Variants in ZBBX observed in about 807,000 individuals in gnomAD.
ZBBX encodes zinc finger B-box domain containing, also known as zinc finger B-box domain-containing protein 1.
ZBBX carries 101 observed loss-of-function variants against 108.5 expected under a neutral mutation model. That is an observed-to-expected ratio of 0.93 (90% confidence interval 0.79 to 1.10). The LOEUF (loss-of-function observed/expected upper bound fraction) is 1.10. Among genes scored for constraint, ZBBX ranks in the 50% least tolerant of loss-of-function variants. The probability of loss-of-function intolerance (pLI) is 0.00; values close to 1 mark genes in which losing one functional copy is unlikely to be tolerated. For missense variants in ZBBX, 1,009 were observed against 941.4 expected (o/e 1.07, Z -0.94); for synonymous variants, 356 against 323.4 (o/e 1.10, Z -1.08).
rs1231595378 is a variant in ZBBX at position 167,240,834 on chromosome 3, T to G, written c.2479A>C (p.Lys827Gln). ...TDEEEEDFLNKQHVITLPWSK... is the reference protein window; with the variant it reads ...TDEEEEDFLNQQHVITLPWSK... ...CACGGTAGTGTGATGACATGTTGCT[T>G]GTTGAGAAAATCTTCCTCCTCCTCA... The change falls in exon 22 of 22, where the codon AAG becomes CAG. Residue 827 changes from lysine (K) to glutamine (Q), a missense_variant. Coordinates refer to ENST00000675490, the MANE Select transcript of ZBBX (RefSeq NM_001199201.2). The G allele has an allele frequency of 1.9e-6, 3 of 1,613,638 alleles. No homozygotes were observed. Among genetic ancestry groups the G allele is most frequent in the Middle Eastern group, 1.7e-4 (1 of 6,060 alleles).
chr3:167,200,796 G>C, the ZBBX span, among the ~76,000 whole-genome samples: 112 of 152,248 alleles, frequency 7.4e-4, no homozygotes, highest in African/African-American at 2.6e-3. Context: ...CTGTGAGGTA[G>C]ACAAAGTATG....
chr3:167,251,599 C>A (rs1322169394), intron 20 of ZBBX, among the ~76,000 whole-genome samples: 1 of 152,156 alleles, frequency 6.6e-6, no homozygotes. Context: ...TCTTATATAA[C>A]TTAACAGTTT....
intron 19 of ZBBX, 31 bp from the exon 20 acceptor site, chr3:167,282,526 A>G: frequency 6.4e-7 from 1 of 1,568,432 alleles, no homozygotes; most frequent in Non-Finnish European, 8.6e-7. Context: ...TTTTTAAATC[A>G]ACTTTTAAAA....
rs1257028698 is a variant in ZBBX, at chr3:167,314,097, G to A, written c.1294C>T (p.Gln432Ter). Residue 432 changes from glutamine (Q) to a stop codon, truncating the protein, a stop_gained, in exon 16 of 22, where the codon CAG (glutamine) becomes TAG (stop). Coordinates refer to ENST00000675490, the MANE Select transcript of ZBBX (RefSeq NM_001199201.2). LOFTEE classifies it high-confidence loss of function. ...TTTTCATATGGAAAGCTATTCTTCT[G>A]ACAATCATGAAAAGCACAACTTTCA... ...SQRSCAFHDCQKNSFPYENGI... is the reference protein window; with the variant it reads ...SQRSCAFHDC The A allele has an allele frequency of 6.3e-7, 1 of 1,589,262 alleles. No individual in the cohort carries two copies. The highest frequency in any genetic ancestry group is 8.6e-7 in the Non-Finnish European group (1 of 1,168,748).
chr3:167,258,059 T>A (rs959330272), intron 20 of ZBBX, among the ~76,000 whole-genome samples: 3 of 152,128 alleles, frequency 2.0e-5, no homozygotes. Context: ...GGGTTCTTGG[T>A]CATGAAATGC....
At chr3:167,341,370 A>G (rs1332293083) in intron 9 of ZBBX, among the ~76,000 whole-genome samples, 3 of 151,898 alleles carry the variant, frequency 2.0e-5, no homozygotes, top group Non-Finnish European at 4.4e-5. Context: ...TTATAAAATA[A>G]CACGAAAATA....
intron 9 of ZBBX, among the ~76,000 whole-genome samples, chr3:167,346,677 CCTTATGACTT>C (rs1741508429): frequency 6.6e-6 from 1 of 151,782 alleles, no homozygotes; most frequent in Non-Finnish European, 1.5e-5. Flanking sequence ...GTCAACAAAG[CCTTATGACTT>C]TAATGGTTAA....
chr3:167,218,901 GAC>G, the ZBBX span, among the ~76,000 whole-genome samples: 1 of 151,894 alleles, frequency 6.6e-6, no homozygotes, highest in Non-Finnish European at 1.5e-5. Flanking sequence ...CCTCTGTAAA[GAC>G]ACACATAGAC....
upstream of ZBBX, among the ~76,000 whole-genome samples, chr3:167,384,370 A>G (rs1747840376): frequency 6.6e-6 from 1 of 152,152 alleles, no homozygotes; most frequent in African/African-American, 2.4e-5. Context: ...TATGGAACAG[A>G]GCTGCTTGTC....
chr3:167,330,911 G>GAAGAAGAA (rs1738440216), intron 10 of ZBBX, among the ~76,000 whole-genome samples: 1 of 16,076 alleles, frequency 6.2e-5, no homozygotes, highest in African/African-American at 1.5e-4. Flanking sequence ...AAGAAGAAGA[G>GAAGAAGAA]GCATCATATA....
At chr3:167,279,403 A>C (rs1039637913) in intron 20 of ZBBX, among the ~76,000 whole-genome samples, 113 of 152,252 alleles carry the variant, frequency 7.4e-4, no homozygotes, top group African/African-American at 2.7e-3. Context: ...GCAATGTCTC[A>C]GGATACAAAA....
intron 18 of ZBBX, among the ~76,000 whole-genome samples, chr3:167,290,047 T>A (rs1334077185): frequency 6.6e-6 from 1 of 151,992 alleles, no homozygotes; most frequent in Admixed American, 6.5e-5. Flanking sequence ...AGTCCCTCCC[T>A]GAAAAAAAGG....
chr3:167,275,293 G>A (rs987779014), intron 20 of ZBBX, among the ~76,000 whole-genome samples: 3 of 152,180 alleles, frequency 2.0e-5, no homozygotes, highest in African/African-American at 7.2e-5. Flanking sequence ...GGCCGAATAG[G>A]AACAGCTCCG....
At chr3:167,255,133 G>A (rs1723275303) in intron 20 of ZBBX, among the ~76,000 whole-genome samples, 1 of 151,982 alleles carries the variant, frequency 6.6e-6, no homozygotes, top group Non-Finnish European at 1.5e-5. Context: ...TCTACCTGCA[G>A]GGAAAAATTA....
chr3:167,296,197 A>G (rs1731664036), intron 18 of ZBBX, among the ~76,000 whole-genome samples: 2 of 152,100 alleles, frequency 1.3e-5, no homozygotes, highest in African/African-American at 4.8e-5. Flanking sequence ...GACAAAATCC[A>G]ACACACTTTT....
At chr3:167,357,816 C>T (rs1192837764) in intron 8 of ZBBX, among the ~76,000 whole-genome samples, 1 of 151,882 alleles carries the variant, frequency 6.6e-6, no homozygotes, top group Non-Finnish European at 1.5e-5. Context: ...GAAAATGTGG[C>T]ACATATACAC....
At chr3:167,262,263 G>A (rs1034145178) in intron 20 of ZBBX, among the ~76,000 whole-genome samples, 4 of 152,152 alleles carry the variant, frequency 2.6e-5, no homozygotes, top group Non-Finnish European at 5.9e-5. Flanking sequence ...GAGGGTCTGT[G>A]GGTCCTCTCA....
At chr3:167,303,700 G>A (rs1426782487) in intron 17 of ZBBX, among the ~76,000 whole-genome samples, 2 of 152,144 alleles carry the variant, frequency 1.3e-5, no homozygotes, top group African/African-American at 4.8e-5. Context: ...TAAAGATAAT[G>A]TTCCACTGTG....
At chr3:167,345,462 T>C (rs1385068187) in intron 9 of ZBBX, among the ~76,000 whole-genome samples, 1 of 151,932 alleles carries the variant, frequency 6.6e-6, no homozygotes, top group Non-Finnish European at 1.5e-5. Context: ...ATATTTTATT[T>C]TTCTTAAGTA....
Sources: allele counts gnomAD v4.1 joint callset (sites outside exome capture counted in the v4.1 genomes callset), GRCh38; gene constraint gnomAD v4.1.1; transcripts MANE v1.5; gene names NCBI Gene and HGNC (gene_info 2026-07-23, HGNC 2026-07-21).